The following RBFOX1 variants were observed in gnomAD, a reference collection of about 807,000 sequenced individuals.
RBFOX1 encodes RNA binding fox-1 homolog 1, also known as RNA binding protein fox-1 homolog 1.
RBFOX1 carries 8 observed loss-of-function variants against 57.7 expected under a neutral mutation model. The ratio of observed to expected loss-of-function variants is 0.14; its 90% CI spans 0.08 to 0.25. RBFOX1 has a LOEUF of 0.25. Among genes scored for constraint, RBFOX1 ranks in the 10% least tolerant of loss-of-function variants. RBFOX1 has a pLI of 1.00. For synonymous variants in RBFOX1, 326 were observed against 222.4 expected (o/e 1.47, Z -4.15); for missense variants, 611 against 548.5 (o/e 1.11, Z -1.14).
At chr16:5,499,399 A>G (rs1423252479) in intron 2 of RBFOX1, among the ~76,000 whole-genome samples, 1 of 151,816 alleles carries the variant, frequency 6.6e-6, no homozygotes, top group East Asian at 1.9e-4. Context: ...CTGCTCACCA[A>G]TCCTGACCCA....
intron 1 of RBFOX1, among the ~76,000 whole-genome samples, chr16:6,240,797 C>G (rs2097536107): frequency 1.3e-5 from 2 of 152,160 alleles, no homozygotes; most frequent in Admixed American, 1.3e-4. Context: ...TGGTCAGTCT[C>G]CAACTCTTTC....
chr16:6,767,033 T>C (rs1239527716), intron 3 of RBFOX1, among the ~76,000 whole-genome samples: 4 of 152,112 alleles, frequency 2.6e-5, no homozygotes. Flanking sequence ...CGAGGTCTTT[T>C]TCACAAAATA....
intron 2 of RBFOX1, among the ~76,000 whole-genome samples, chr16:6,557,318 C>A (rs1172370182): frequency 6.6e-6 from 1 of 151,812 alleles, no homozygotes; most frequent in African/African-American, 2.4e-5. Context: ...CTTGCTTTCA[C>A]AGTGGGGAGA....
At chr16:5,254,995 T>C (rs1423924679) in intron 1 of RBFOX1, among the ~76,000 whole-genome samples, 2 of 152,178 alleles carry the variant, frequency 1.3e-5, no homozygotes, top group Non-Finnish European at 2.9e-5. Context: ...CCCCTGGCTC[T>C]ACCTGCCCAG....
At position 5,711,685 on chromosome 16, in the gene RBFOX1, G is replaced by C. The variant is rs189597839; in HGVS notation, c.318+112724G>C. Among the ~76,000 whole-genome samples, 4 of 152,268 alleles carry C rather than the reference G, an allele frequency of 2.6e-5. No individual in the cohort carries two copies. The East Asian group carries it at 7.7e-4, about 29-fold the overall frequency. On this transcript the variant is annotated intron_variant, in intron 3 of 19. Coordinates refer to the RBFOX1 transcript ENST00000641259. ...TAAAGGGCCTTGCATGCCTTATTAA[G>C]AATTTTTTGGTCTTTACTCTCAGGA... is the stretch of plus-strand genomic sequence containing the variant.
intron 14 of RBFOX1, among the ~76,000 whole-genome samples, chr16:7,702,731 C>T (rs1425839201): frequency 6.6e-6 from 1 of 152,190 alleles, no homozygotes; most frequent in Admixed American, 6.5e-5. Context: ...ACACAGAACA[C>T]TTGGTCTGGA....
At chr16:7,355,864 C>G (rs903212138) in intron 4 of RBFOX1, among the ~76,000 whole-genome samples, 1 of 152,248 alleles carries the variant, frequency 6.6e-6, no homozygotes, top group Non-Finnish European at 1.5e-5. Flanking sequence ...TTGCAGCTCC[C>G]TCCACCTGCT....
chr16:7,530,694 C>A (rs546881432), intron 5 of RBFOX1, among the ~76,000 whole-genome samples: 1 of 152,238 alleles, frequency 6.6e-6, no homozygotes, highest in African/African-American at 2.4e-5. Flanking sequence ...AATGTGGAGC[C>A]TGCCAAATTG....
At chr16:7,303,309 C>A (rs2096076931) in intron 4 of RBFOX1, among the ~76,000 whole-genome samples, 2 of 152,124 alleles carry the variant, frequency 1.3e-5, no homozygotes, top group Non-Finnish European at 2.9e-5. Flanking sequence ...TCCCTCAGCC[C>A]AAGCTCCCTC....
chr16:6,116,193 C>A (rs1567492788), intron 1 of RBFOX1, among the ~76,000 whole-genome samples: 1 of 151,696 alleles, frequency 6.6e-6, no homozygotes, highest in Non-Finnish European at 1.5e-5. Context: ...ACCGTATGTC[C>A]TCACTCATAA....
chr16:6,682,189 G>A (rs767841515), intron 3 of RBFOX1, among the ~76,000 whole-genome samples: 1 of 152,154 alleles, frequency 6.6e-6, no homozygotes, highest in Non-Finnish European at 1.5e-5. Context: ...CCAAGGATTA[G>A]GGCAATTAAA....
chr16:7,015,966 T>C (rs1470364949), intron 3 of RBFOX1, among the ~76,000 whole-genome samples: 2 of 152,126 alleles, frequency 1.3e-5, no homozygotes, highest in African/African-American at 2.4e-5. Context: ...ACCCATTATT[T>C]GGTGTGATAG....
chr16:7,375,181 T>G (rs2147604872), intron 4 of RBFOX1, among the ~76,000 whole-genome samples: 1 of 152,362 alleles, frequency 6.6e-6, no homozygotes, highest in Admixed American at 6.5e-5. Context: ...CCCTACCCTA[T>G]GATAAAGATT....
intron 4 of RBFOX1, among the ~76,000 whole-genome samples, chr16:7,109,327 G>C (rs1249181048): frequency 6.6e-6 from 1 of 152,124 alleles, no homozygotes; most frequent in Non-Finnish European, 1.5e-5. Flanking sequence ...GAAACAAAGA[G>C]AAAATGAACA....
rs1295150900 is a variant in RBFOX1, at chr16:6,981,709, A to T, written c.-15-70348A>T. Among the ~76,000 whole-genome samples the T allele has an allele frequency of 5.9e-5, 9 of 152,160 alleles. No homozygotes were observed. In the East Asian group the frequency reaches 9.6e-4, roughly 16 times the overall value. On this transcript the variant is annotated intron_variant, in intron 3 of 15. Coordinates refer to ENST00000550418, the MANE Select transcript of RBFOX1 (RefSeq NM_018723.4). ...AAAACCATCTTGTCACATGAGAGTC[A>T]GTATCCTGAGAACAGCACATGAAAG... is the stretch of plus-strand genomic sequence containing the variant.
At chr16:6,886,287 C>G (rs112312470) in intron 3 of RBFOX1, among the ~76,000 whole-genome samples, 1 of 151,872 alleles carries the variant, frequency 6.6e-6, no homozygotes, top group Non-Finnish European at 1.5e-5. Flanking sequence ...GTCTCGATCT[C>G]TTGACCTCAC....
intron 4 of RBFOX1, among the ~76,000 whole-genome samples, chr16:7,478,229 A>T (rs147404862): frequency 6.6e-6 from 1 of 152,366 alleles, no homozygotes; most frequent in Non-Finnish European, 1.5e-5. Flanking sequence ...CATGTAATGT[A>T]GTCTTCCATA....
chr16:7,431,827 C>T (rs2098683166), intron 4 of RBFOX1, among the ~76,000 whole-genome samples: 1 of 152,188 alleles, frequency 6.6e-6, no homozygotes, highest in Non-Finnish European at 1.5e-5. Flanking sequence ...AGTCTGCTAC[C>T]CTAGTGCAGA....
chr16:6,849,727 T>G (rs1033744448), intron 3 of RBFOX1, among the ~76,000 whole-genome samples: 8 of 152,122 alleles, frequency 5.3e-5, no homozygotes, highest in Admixed American at 2.6e-4. Context: ...CATGACTGTC[T>G]ACATCGCCTA....
Sources: gnomAD v4.1 joint callset for allele counts (sites outside exome capture counted in the v4.1 genomes callset) on GRCh38, gnomAD v4.1.1 for gene constraint, MANE v1.5 for transcripts, NCBI Gene and HGNC (gene_info 2026-07-23, HGNC 2026-07-21) for gene names.